SIGLEC15: variants seen among roughly 807,000 people sequenced by gnomAD.
SIGLEC15 encodes sialic acid-binding Ig-like lectin 15.
SIGLEC15 carries 31 observed loss-of-function variants against 26.2 expected under a neutral mutation model. That is an observed-to-expected ratio of 1.18 (90% confidence interval 0.89 to 1.60). The LOEUF is 1.60. Among genes scored for constraint, SIGLEC15 ranks in the 40% most tolerant of loss-of-function variants. SIGLEC15 has a pLI of 0.00. For synonymous variants in SIGLEC15, 207 were observed against 221.9 expected, an observed-to-expected ratio of 0.93 and a Z score of 0.60; for missense variants, 501 against 488.4, an observed-to-expected ratio of 1.03 and a Z score of -0.24.
Position 45,842,431 on chromosome 18 carries a change from G to A in SIGLEC15, c.*244G>A. ...CGTAAATGTGCATACGTCTGTGTGT[G>A]TGTGTGTGTGTGAGAGAGAGAGAGA... On this transcript the variant is annotated 3_prime_UTR_variant, in exon 6 of 6. Transcript: ENST00000389474. 1.2e-5 allele frequency: 6 copies of A among 520,814 alleles called. No individual in the cohort carries two copies. The highest frequency in any genetic ancestry group is 2.0e-5 in the Non-Finnish European group (6 of 294,236). The allele number at this position is 520,814 out of a possible 1,614,324, so 32.3% of individuals were successfully genotyped here.
At chr18:45,828,542 T>TATCACA (rs1460154669) in intron 1 of SIGLEC15, among the ~76,000 whole-genome samples, 1 of 152,164 alleles carries the variant, frequency 6.6e-6, no homozygotes, top group Non-Finnish European at 1.5e-5. Flanking sequence ...GATAGGCAGA[T>TATCACA]ATCACAACCA....
chr18:45,829,112 G>A (rs1302599553), intron 1 of SIGLEC15: 1 of 985,674 alleles, frequency 1.0e-6, no homozygotes, highest in Non-Finnish European at 1.2e-6. Flanking sequence ...GGACTCTGAA[G>A]AGCAGCACTC....
Position 45,837,651 on chromosome 18 carries a change from G to T in SIGLEC15, c.251G>T (p.Gly84Val). 1 of 1,505,872 alleles carries T rather than the reference G, an allele frequency of 6.6e-7. No individual in the cohort carries two copies. The highest frequency in any genetic ancestry group is 8.8e-7 in the Non-Finnish European group (1 of 1,135,086). 93.3% of individuals were successfully genotyped at this position (1,505,872 alleles called of 1,614,324 possible). A position where few individuals can be genotyped will look rare whatever the true frequency, so the allele number is the denominator to read the frequency against. The change falls in exon 3 of 6, where the codon GGC becomes GTC. Residue 84 changes from glycine (G) to valine (V), a missense_variant. Gly to Val is a moderately radical substitution (Grantham distance 109). Transcript: ENST00000389474. ...CCGCTGACGGCCATCTGGCGCGCGG[G>T]CGAGCCCTATGCGGGCCCGCAGGTG... ...DGPLTAIWRA[G>V]EPYAGPQVFR...
chr18:45,838,813 G>C lies in SIGLEC15; in HGVS notation c.592G>C (p.Ala198Pro). 3.8e-6 allele frequency: 6 copies of C among 1,558,860 alleles called. No individual in the cohort carries two copies. Among genetic ancestry groups the C allele is most frequent in the Non-Finnish European group, 5.2e-6 (6 of 1,158,864 alleles). ...CGAAGGGGAGCCGCCGCCCGCCCTCGCCTGGTCCGGCCCGGCCCTGGGCAA... is the reference window on the plus strand; with the variant it reads ...CGAAGGGGAGCCGCCGCCCGCCCTCCCCTGGTCCGGCCCGGCCCTGGGCAA... ...TAEGEPPPAL[A>P]WSGPALGNSL... Residue 198 changes from alanine (A) to proline (P), a missense_variant, in exon 4 of 6, where the codon GCC becomes CCC. By Grantham distance (27) the Ala-to-Pro change is conservative. Transcript: ENST00000389474.
chr18:45,835,354 G>C (rs1194518870), intron 1 of SIGLEC15, among the ~76,000 whole-genome samples: 2 of 152,154 alleles, frequency 1.3e-5, no homozygotes, highest in Non-Finnish European at 2.9e-5. Context: ...ATGGTAATTA[G>C]CTATTTAAGG....
At chr18:45,838,487 A>G (rs2048294990) in intron 3 of SIGLEC15, 1 of 604,946 alleles carries the variant, frequency 1.7e-6, no homozygotes, top group African/African-American at 2.0e-5. Context: ...AAATCTTTTC[A>G]GCAACCTCTT....
At chr18:45,825,870 G>A in intron 1 of SIGLEC15, 90 bp downstream of exon 1, 1 of 1,502,762 alleles carries the variant, frequency 6.7e-7, no homozygotes, top group Non-Finnish European at 9.2e-7. Context: ...AAGGCAGGAA[G>A]CAGGTGTGCA....
At chr18:45,840,493 T>C (rs531777091) in intron 5 of SIGLEC15, among the ~76,000 whole-genome samples, 18 of 152,230 alleles carry the variant, frequency 1.2e-4, no homozygotes, top group Admixed American at 4.6e-4. Flanking sequence ...TCCTGTAGTT[T>C]CCCCTCCACA....
At chr18:45,838,017 T>C (rs902250404) in intron 3 of SIGLEC15, 121 bp downstream of exon 3, 23 of 1,248,352 alleles carry the variant, frequency 1.8e-5, no homozygotes, top group Non-Finnish European at 2.2e-5. Context: ...GACCCAGCCC[T>C]CTCCTCTACC....
chr18:45,840,613 G>C (rs1336706179), intron 5 of SIGLEC15, among the ~76,000 whole-genome samples: 2 of 152,236 alleles, frequency 1.3e-5, no homozygotes, highest in African/African-American at 4.8e-5. Context: ...GGTTCTGAGA[G>C]CCTAGGTGAG....
chr18:45,828,144 T>C (rs1343209505), intron 1 of SIGLEC15, among the ~76,000 whole-genome samples: 2 of 152,124 alleles, frequency 1.3e-5, no homozygotes, highest in South Asian at 2.1e-4. Context: ...AGGAGCAGGC[T>C]CTGCTCCACC....
intron 1 of SIGLEC15, among the ~76,000 whole-genome samples, chr18:45,832,308 G>A (rs1434427032): frequency 2.0e-5 from 3 of 151,582 alleles, no homozygotes; most frequent in East Asian, 1.9e-4. Context: ...AGCCTAGGAC[G>A]TGCCAGGCAC....
intron 3 of SIGLEC15, 21 bp from the exon 4 acceptor site, chr18:45,838,697 C>A: frequency 6.5e-7 from 1 of 1,549,676 alleles, no homozygotes; most frequent in South Asian, 1.2e-5. Flanking sequence ...TTGTGACAGT[C>A]ACCCGCCTTC....
rs140079976 is a variant in SIGLEC15, at chr18:45,826,436, C to A, written c.52+656C>A. ...GAGGGCATTTGCTAAAATGCAGGTTCTTTGGCTCCACCCCAGACCTGCAGA... is the reference window on the plus strand; with the variant it reads ...GAGGGCATTTGCTAAAATGCAGGTTATTTGGCTCCACCCCAGACCTGCAGA... On this transcript the variant is annotated intron_variant, in intron 1 of 5. Coordinates refer to ENST00000389474, the MANE Select transcript of SIGLEC15 (RefSeq NM_213602.3). Among the ~76,000 whole-genome samples the A allele has an allele frequency of 3.0e-4, 46 of 152,284 alleles. No individual in the cohort carries two copies. The East Asian group carries it at 7.9e-3, about 26-fold the overall frequency.
chr18:45,829,551 AGT>A (rs1457376166), intron 1 of SIGLEC15, among the ~76,000 whole-genome samples: 1 of 152,098 alleles, frequency 6.6e-6, no homozygotes, highest in Non-Finnish European at 1.5e-5. Context: ...AGCCAATGGG[AGT>A]GTCTCTCCTT....
At chr18:45,837,410 A>C in intron 2 of SIGLEC15, 103 bp from the exon 3 acceptor site, 1 of 1,365,462 alleles carries the variant, frequency 7.3e-7, no homozygotes, top group Non-Finnish European at 9.5e-7. Context: ...TTTCCAGGCT[A>C]GGGGTTGGGG....
chr18:45,837,923 G>C lies in SIGLEC15; in HGVS notation c.496+27G>C, dbSNP rs575863272. 1.4e-5 allele frequency: 20 copies of C among 1,464,334 alleles called. No homozygotes were observed. In the South Asian group the frequency reaches 1.6e-4, roughly 12 times the overall value. 90.7% of individuals were successfully genotyped at this position (1,464,334 alleles called of 1,614,324 possible). ...CGAGGCGGCGTGGGAGCGGGTCCCCGGCCTCCCTTCCCGCCCTCCCGCCTG... is the reference window on the plus strand; with the variant it reads ...CGAGGCGGCGTGGGAGCGGGTCCCCCGCCTCCCTTCCCGCCCTCCCGCCTG... On this transcript the variant is annotated intron_variant, in intron 3 of 5. Coordinates refer to ENST00000389474, the MANE Select transcript of SIGLEC15 (RefSeq NM_213602.3).
intron 4 of SIGLEC15, among the ~76,000 whole-genome samples, chr18:45,839,633 C>T (rs2048308303): frequency 6.6e-6 from 1 of 152,156 alleles, no homozygotes; most frequent in South Asian, 2.1e-4. Context: ...GGTGGGGCAT[C>T]TGGAGAAGGC....
rs745400035 is a variant in SIGLEC15, at chr18:45,838,997, G to C, written c.776G>C (p.Ser259Thr). Residue 259 changes from serine (S) to threonine (T), a missense_variant, in exon 4 of 6, where the codon AGC becomes ACC. Transcript: ENST00000389474. ...SVYLFRFHGA[S>T]GASTVALLLG... Reference sequence around the variant, plus strand: ...TACCTGTTCCGCTTCCATGGCGCCAGCGGGGCCTCGACGGTCGCCCTCCTG... The same window carrying C: ...TACCTGTTCCGCTTCCATGGCGCCACCGGGGCCTCGACGGTCGCCCTCCTG... The C allele has an allele frequency of 6.3e-7, 1 of 1,596,532 alleles. No individual in the cohort carries two copies. The highest frequency in any genetic ancestry group is 1.1e-5 in the South Asian group (1 of 89,830).
Sources: allele counts gnomAD v4.1 joint callset (sites outside exome capture counted in the v4.1 genomes callset), GRCh38; gene constraint gnomAD v4.1.1; transcripts MANE v1.5; gene names NCBI Gene and HGNC (gene_info 2026-07-23, HGNC 2026-07-21).